Variants in MYO18B observed in about 807,000 individuals in gnomAD.
The protein encoded by MYO18B is unconventional myosin-XVIIIb.
MYO18B carries 204 observed loss-of-function variants against 273.0 expected under a neutral mutation model. The observed-to-expected ratio is 0.75, with a 90% CI of 0.67 to 0.84. The LOEUF (loss-of-function observed/expected upper bound fraction) is 0.84, where lower values mean the gene tolerates loss of function less well. Ranked by LOEUF, MYO18B falls within the 40% of genes least tolerant of loss-of-function variation. MYO18B has a pLI of 0.00. For synonymous variants in MYO18B, 1,330 were observed against 1,305.7 expected, an observed-to-expected ratio of 1.02 and a Z score of -0.40; for missense variants, 3,212 against 3,287.6, an observed-to-expected ratio of 0.98 and a Z score of 0.56.
At chr22:25,752,845 G>C (rs1471877193) in intron 1 of MYO18B, among the ~76,000 whole-genome samples, 13 of 152,184 alleles carry the variant, frequency 8.5e-5, no homozygotes, top group Admixed American at 8.5e-4. Context: ...GGACGCAGGC[G>C]GGAACCGGGG....
intron 12 of MYO18B, among the ~76,000 whole-genome samples, chr22:25,807,715 T>A (rs2088545893): frequency 6.6e-6 from 1 of 152,130 alleles, no homozygotes; most frequent in Non-Finnish European, 1.5e-5. Flanking sequence ...GTTCTGTTGG[T>A]AAGAATCGTG....
intron 39 of MYO18B, among the ~76,000 whole-genome samples, chr22:25,977,191 G>A (rs1254358954): frequency 1.3e-5 from 2 of 152,096 alleles, no homozygotes; most frequent in Admixed American, 6.5e-5. Context: ...TTTCTCCCCG[G>A]CTATGCTTAT....
intron 13 of MYO18B, among the ~76,000 whole-genome samples, 155 bp downstream of exon 13, chr22:25,823,833 A>G (rs1284411033): frequency 6.6e-6 from 1 of 152,126 alleles, no homozygotes; most frequent in Non-Finnish European, 1.5e-5. Flanking sequence ...CGTGGGTGGA[A>G]AGGGACCGGT....
the MYO18B span, among the ~76,000 whole-genome samples, chr22:26,042,508 C>T: frequency 3.9e-5 from 6 of 152,208 alleles, no homozygotes. Flanking sequence ...TTTCTAAAGG[C>T]AAACAATTTC....
At chr22:25,948,447 C>CT (rs2092746126) in intron 36 of MYO18B, among the ~76,000 whole-genome samples, 2 of 115,372 alleles carry the variant, frequency 1.7e-5, no homozygotes, top group Non-Finnish European at 3.4e-5. Context: ...TCCTTCCTTC[C>CT]TTCCTTCCTT....
rs1168413344 is a variant in MYO18B at position 25,798,089 on chromosome 22, C to T, written c.2513C>T (p.Ala838Val). The T allele has an allele frequency of 2.5e-6, 4 of 1,606,716 alleles. No individual in the cohort carries two copies. In the African/African-American group the frequency reaches 5.3e-5, roughly 21 times the overall value. Residue 838 changes from alanine to valine, a missense_variant, in exon 12 of 44, where the codon GCC (alanine) becomes GTC (valine). By Grantham distance (64) the Ala-to-Val change is moderately conservative. Coordinates refer to ENST00000335473, the MANE Select transcript of MYO18B (RefSeq NM_032608.7). ...ATCTACCACCTGGGTGCGGCGGGGGCCTGCAAAGGTACGTCCTTCCTGCCG... is the reference window on the plus strand; with the variant it reads ...ATCTACCACCTGGGTGCGGCGGGGGTCTGCAAAGGTACGTCCTTCCTGCCG... ...AAIYHLGAAG[A>V]CKVGRKQFMR... is the part of the protein sequence containing the mutation.
At chr22:25,763,042 C>A in intron 2 of MYO18B, 189 bp from the exon 3 acceptor site, 1 of 766,472 alleles carries the variant, frequency 1.3e-6, no homozygotes, top group Non-Finnish European at 2.4e-6. Flanking sequence ...GTTCCATTTT[C>A]ATGCGCTGTC....
intron 39 of MYO18B, among the ~76,000 whole-genome samples, chr22:25,970,134 C>G (rs889496702): frequency 1.3e-5 from 2 of 152,070 alleles, no homozygotes; most frequent in African/African-American, 4.8e-5. Flanking sequence ...CAATCATCAT[C>G]TTGATCACCA....
chr22:25,984,162 T>A (rs1214959470), intron 39 of MYO18B, among the ~76,000 whole-genome samples: 1 of 152,194 alleles, frequency 6.6e-6, no homozygotes, highest in East Asian at 1.9e-4. Flanking sequence ...GTAACACCTT[T>A]TGTCAAGGAA....
intron 29 of MYO18B, chr22:25,898,724 C>CTTAA (rs2091867457): frequency 7.1e-6 from 3 of 425,214 alleles, no homozygotes; most frequent in Non-Finnish European, 1.3e-5. Flanking sequence ...CTTTCTGGGC[C>CTTAA]TTAACATCCC....
rs115779824 is a variant in MYO18B, at chr22:25,920,445, A to T, written c.5365-812A>T. Among the ~76,000 whole-genome samples, 1,299 of 152,288 alleles carry T rather than the reference A, an allele frequency of 8.5e-3. 13 individuals are homozygous for T. Among genetic ancestry groups the T allele is most frequent in the African/African-American group, 0.03 (1,253 of 41,574 alleles). On this transcript the variant is annotated intron_variant, in intron 33 of 43. Coordinates refer to ENST00000335473, the MANE Select transcript of MYO18B (RefSeq NM_032608.7). ...TTGGCTTAACCTGTACTTTTTGGCC[A>T]CTGAAGGCTGTCAAGGAGTCTAAGG...
intron 21 of MYO18B, among the ~76,000 whole-genome samples, chr22:25,855,825 C>CT (rs59922626): frequency 0.07 from 9,989 of 141,750 alleles, 431 homozygotes; most frequent in East Asian, 0.13. Context: ...TACTTTCTTT[C>CT]TTTTTTTTTT....
intron 12 of MYO18B, among the ~76,000 whole-genome samples, chr22:25,818,755 G>T (rs5761254): frequency 6.6e-6 from 1 of 152,156 alleles, no homozygotes; most frequent in Non-Finnish European, 1.5e-5. Context: ...GGTTTTGCAG[G>T]TGGAGAAGGG....
chr22:25,836,686 C>T (rs1262466466), intron 17 of MYO18B, among the ~76,000 whole-genome samples: 5 of 152,092 alleles, frequency 3.3e-5, no homozygotes, highest in South Asian at 2.1e-4. Flanking sequence ...AGTGGCCGGG[C>T]GCAGTGGCTC....
At chr22:25,788,099 A>T (rs2087479806) in intron 11 of MYO18B, among the ~76,000 whole-genome samples, 2 of 151,958 alleles carry the variant, frequency 1.3e-5, no homozygotes, top group Non-Finnish European at 2.9e-5. Flanking sequence ...TTTCCTCTTT[A>T]TTTCTGTGGG....
chr22:25,743,099 GCCCAGTCGGCT>G (rs1240221738), intron 1 of MYO18B, among the ~76,000 whole-genome samples: 5 of 152,236 alleles, frequency 3.3e-5, no homozygotes, highest in East Asian at 1.9e-4. Context: ...GGAATGGGGA[GCCCAGTCGGCT>G]CCCAGTCGGC....
rs181751527 is a variant in MYO18B, at chr22:25,817,110, G to C, written c.2522-6395G>C. 7.2e-4 allele frequency among the ~76,000 whole-genome samples: 110 copies of C among 152,276 alleles called. 2 individuals carry two copies. In the East Asian group the frequency reaches 0.019, roughly 26 times the overall value. On this transcript the variant is annotated intron_variant, in intron 12 of 43. Transcript: ENST00000335473. ...CGCTCTCATTTTGTATCGACATAAA[G>C]GGAAAAACCTGCCTTTGCAGGTGGA... is the stretch of plus-strand genomic sequence containing the variant.
intron 21 of MYO18B, among the ~76,000 whole-genome samples, chr22:25,862,635 T>G (rs758990335): frequency 4.1e-4 from 63 of 152,324 alleles, no homozygotes; most frequent in Non-Finnish European, 7.4e-4. Flanking sequence ...TTTCAGCACT[T>G]CTAACATGTA....
chr22:25,796,017 AC>A (rs1221069464), intron 11 of MYO18B, among the ~76,000 whole-genome samples: 1 of 152,196 alleles, frequency 6.6e-6, no homozygotes, highest in Non-Finnish European at 1.5e-5. Flanking sequence ...TTAACAGCTT[AC>A]AGTTCATCAC....
Sources: gnomAD v4.1 joint callset for allele counts (sites outside exome capture counted in the v4.1 genomes callset) on GRCh38, gnomAD v4.1.1 for gene constraint, MANE v1.5 for transcripts, NCBI Gene and HGNC (gene_info 2026-07-23, HGNC 2026-07-21) for gene names.